The following PTPRD variants were observed in gnomAD, a reference collection of about 807,000 sequenced individuals.
PTPRD encodes receptor-type tyrosine-protein phosphatase delta.
PTPRD carries 34 observed loss-of-function variants against 214.5 expected under a neutral mutation model. The ratio of observed to expected loss-of-function variants is 0.16; its 90% CI spans 0.12 to 0.21. The LOEUF is 0.21. PTPRD is among the 10% of genes least tolerant of loss of function. The pLI, the probability that PTPRD is intolerant of heterozygous loss-of-function variation, is 1.00. For synonymous variants in PTPRD, 1,128 were observed against 845.7 expected, an observed-to-expected ratio of 1.33 and a Z score of -5.79; for missense variants, 2,545 against 2,398.7, an observed-to-expected ratio of 1.06 and a Z score of -1.27.
chr9:9,225,642 A>T (rs763717303), intron 9 of PTPRD, among the ~76,000 whole-genome samples: 2 of 152,018 alleles, frequency 1.3e-5, no homozygotes, highest in East Asian at 3.9e-4. Context: ...CTTGAGACAT[A>T]ATCTTTTTCA....
chr9:8,951,160 A>AGTGCGTGTGTGTGT (rs746693477), intron 11 of PTPRD, among the ~76,000 whole-genome samples: 3 of 19,966 alleles, frequency 1.5e-4, no homozygotes, highest in Non-Finnish European at 3.1e-4. Context: ...TGTGTGTGTA[A>AGTGCGTGTGTGTGT]GAGAGAGAGA....
intron 35 of PTPRD, among the ~76,000 whole-genome samples, chr9:8,426,441 C>A (rs994981586): frequency 2.0e-5 from 3 of 152,190 alleles, no homozygotes; most frequent in Admixed American, 2.0e-4. Flanking sequence ...AAAAATGCAA[C>A]TCAATAAAGA....
rs189192359 is a variant in PTPRD at position 10,556,578 on chromosome 9, T to C, written c.-600+55820A>G. 3.7e-4 allele frequency among the ~76,000 whole-genome samples: 56 copies of C among 152,224 alleles called. 2 individuals carry two copies. The East Asian group carries it at 9.3e-3, about 25-fold the overall frequency. ...TTTAAAAGTCCTTAATAATTGTTAC[T>C]TTTCCTGTTTTTAATCCCTAGGCTC... On this transcript the variant is annotated intron_variant, in intron 2 of 45. Coordinates refer to ENST00000381196, the MANE Select transcript of PTPRD (RefSeq NM_002839.4).
At chr9:9,496,973 A>T (rs2096221695) in intron 8 of PTPRD, among the ~76,000 whole-genome samples, 1 of 152,198 alleles carries the variant, frequency 6.6e-6, no homozygotes, top group Admixed American at 6.5e-5. Context: ...ACATTATCCT[A>T]AATGAAACAA....
At chr9:9,501,903 T>C (rs749671402) in intron 8 of PTPRD, among the ~76,000 whole-genome samples, 1 of 151,762 alleles carries the variant, frequency 6.6e-6, no homozygotes, top group African/African-American at 2.4e-5. Context: ...AGAGAAAACT[T>C]GGTGGGATGC....
chr9:8,480,411 C>G (rs543727812), intron 30 of PTPRD, among the ~76,000 whole-genome samples: 4 of 152,268 alleles, frequency 2.6e-5, no homozygotes, highest in South Asian at 2.1e-4. Context: ...CCTCCCTTAT[C>G]TATCTAATTT....
intron 4 of PTPRD, among the ~76,000 whole-genome samples, chr9:9,962,240 G>T (rs891297953): frequency 1.3e-5 from 2 of 152,002 alleles, no homozygotes; most frequent in Non-Finnish European, 2.9e-5. Context: ...TATCCTAGGA[G>T]AAAGAAAAGC....
chr9:9,429,234 G>A (rs563980670), intron 8 of PTPRD, among the ~76,000 whole-genome samples: 27 of 152,164 alleles, frequency 1.8e-4, no homozygotes, highest in South Asian at 2.1e-4. Context: ...CACTGATCCC[G>A]TAGAGATACA....
intron 5 of PTPRD, among the ~76,000 whole-genome samples, chr9:9,881,547 T>C (rs2068693089): frequency 6.6e-6 from 1 of 152,116 alleles, no homozygotes; most frequent in Non-Finnish European, 1.5e-5. Flanking sequence ...GAAAATAAAC[T>C]GGGATGATTA....
intron 5 of PTPRD, among the ~76,000 whole-genome samples, chr9:9,792,411 G>T (rs1241364482): frequency 6.6e-6 from 1 of 152,154 alleles, no homozygotes; most frequent in Non-Finnish European, 1.5e-5. Flanking sequence ...TTCATTTTAA[G>T]TGATCATTAA....
chr9:8,848,779 G>A (rs1383801709), intron 11 of PTPRD, among the ~76,000 whole-genome samples: 3 of 125,466 alleles, frequency 2.4e-5, no homozygotes, highest in African/African-American at 2.9e-5. Flanking sequence ...TTGACCCTAT[G>A]TTCCATCTTT....
In PTPRD at chr9:8,460,780, A is replaced by T. The variant is rs181494108; in HGVS notation, c.3715-209T>A. 5.9e-5 allele frequency among the ~76,000 whole-genome samples: 9 copies of T among 152,200 alleles called. No individual in the cohort carries two copies. In the East Asian group the frequency reaches 1.5e-3, roughly 26 times the overall value. On this transcript the variant is annotated intron_variant, in intron 32 of 45. Transcript: ENST00000381196. ...GTAATACAAATTTCCTTATAGAGTGAACTATTTTATAATAAAATCATTTTG... is the reference window on the plus strand; with the variant it reads ...GTAATACAAATTTCCTTATAGAGTGTACTATTTTATAATAAAATCATTTTG...
intron 14 of PTPRD, among the ~76,000 whole-genome samples, chr9:8,612,588 C>T (rs1238848883): frequency 2.0e-5 from 3 of 152,176 alleles, no homozygotes; most frequent in Non-Finnish European, 4.4e-5. Context: ...AGAAGCAAGA[C>T]AGAAGAATAA....
rs138461514 is a variant in PTPRD, at chr9:9,904,018, T to C, written c.-368+34489A>G. Among the ~76,000 whole-genome samples, 201 of 152,186 alleles carry C rather than the reference T, an allele frequency of 1.3e-3. 3 individuals carry two copies. The highest frequency in any genetic ancestry group is 4.6e-3 in the African/African-American group (193 of 41,536). Reference sequence around the variant, plus strand: ...ACTTTTGGGATCATCAGCAAACCAGTTACCCCTGGCAAAGTTCAGTCCTCC... The same window carrying C: ...ACTTTTGGGATCATCAGCAAACCAGCTACCCCTGGCAAAGTTCAGTCCTCC... On this transcript the variant is annotated intron_variant, in intron 5 of 45. Coordinates refer to ENST00000381196, the MANE Select transcript of PTPRD (RefSeq NM_002839.4).
rs556608673 is a variant in PTPRD at position 9,366,369 on chromosome 9, T to C, written c.-203+31080A>G. Among the ~76,000 whole-genome samples, 52 of 151,648 alleles carry C rather than the reference T, an allele frequency of 3.4e-4. 1 individual carries two copies. The highest frequency in any genetic ancestry group is 2.8e-3 in the Admixed American group (43 of 15,152). On this transcript the variant is annotated intron_variant, in intron 9 of 45. Transcript: ENST00000381196. The stretch of plus-strand genomic sequence containing the variant: ...AAATAAACAGCACTGACCTATCTAT[T>C]CTTGAATCATTGAGAGTAGGTCACC...
In PTPRD at chr9:8,564,528, C is replaced by G. The variant is rs1254940151; in HGVS notation, c.353-35749G>C. On this transcript the variant is annotated intron_variant, in intron 14 of 45. Coordinates refer to ENST00000381196, the MANE Select transcript of PTPRD (RefSeq NM_002839.4). Reference sequence around the variant, plus strand: ...CCAGCCAGGCCAACATGGTGAAACCCTATCTCTACTAAAAATACAAAAAAT... The same window carrying G: ...CCAGCCAGGCCAACATGGTGAAACCGTATCTCTACTAAAAATACAAAAAAT... 2.6e-5 allele frequency among the ~76,000 whole-genome samples: 4 copies of G among 152,200 alleles called. No homozygotes were observed. In the East Asian group the frequency reaches 7.7e-4, roughly 29 times the overall value.
rs1283589976 is a variant in PTPRD at position 9,542,244 on chromosome 9, C to G, written c.-237+32488G>C. Among the ~76,000 whole-genome samples the G allele has an allele frequency of 2.6e-5, 4 of 151,644 alleles. No individual in the cohort carries two copies. The East Asian group carries it at 7.8e-4, about 29-fold the overall frequency. On this transcript the variant is annotated intron_variant, in intron 8 of 45. Coordinates refer to ENST00000381196, the MANE Select transcript of PTPRD (RefSeq NM_002839.4). The stretch of plus-strand genomic sequence containing the variant: ...AGAGAATATCTTGAGCAACTTTATG[C>G]CAATAAATTGGGTAATTTAGGTGAC...
intron 37 of PTPRD, among the ~76,000 whole-genome samples, chr9:8,382,887 G>A (rs1015639876): frequency 5.3e-5 from 8 of 152,182 alleles, no homozygotes; most frequent in African/African-American, 1.9e-4. Flanking sequence ...AATGTTCACG[G>A]CCTTTGGCGC....
chr9:8,977,423 T>C (rs2099273926), intron 11 of PTPRD, among the ~76,000 whole-genome samples: 1 of 152,110 alleles, frequency 6.6e-6, no homozygotes, highest in East Asian at 1.9e-4. Context: ...GTTCTAGCTC[T>C]CTTCATACAT....
Sources: gnomAD v4.1 joint callset for allele counts (sites outside exome capture counted in the v4.1 genomes callset) on GRCh38, gnomAD v4.1.1 for gene constraint, MANE v1.5 for transcripts, NCBI Gene and HGNC (gene_info 2026-07-23, HGNC 2026-07-21) for gene names.